The following RBPJ variants were observed in gnomAD, a reference collection of about 807,000 sequenced individuals.
The protein encoded by RBPJ is recombining binding protein suppressor of hairless.
In RBPJ, 9 loss-of-function variants were observed where a neutral mutation model predicts 67.8. The observed-to-expected ratio is 0.13, with a 90% CI of 0.08 to 0.23. The LOEUF (loss-of-function observed/expected upper bound fraction) is 0.23, where lower values mean the gene tolerates loss of function less well. RBPJ is among the 10% of genes least tolerant of loss of function. The pLI is 1.00. For missense variants in RBPJ, 305 were observed against 595.6 expected (o/e 0.51, Z 5.08); for synonymous variants, 198 against 203.3 (o/e 0.97, Z 0.22).
chr4:26,366,627 A>G (rs1728655950), intron 1 of RBPJ, among the ~76,000 whole-genome samples: 1 of 151,880 alleles, frequency 6.6e-6, no homozygotes, highest in African/African-American at 2.4e-5. Flanking sequence ...TCACCGTGTT[A>G]GCCAGGATGG....
At chr4:26,253,558 G>T (rs1009698228) in intron 1 of RBPJ, among the ~76,000 whole-genome samples, 4 of 151,118 alleles carry the variant, frequency 2.6e-5, no homozygotes, top group Non-Finnish European at 5.9e-5. Flanking sequence ...TGATCCGCCC[G>T]CCTCGGCCTC....
At chr4:26,128,409 A>T in the RBPJ span, among the ~76,000 whole-genome samples, 13 of 152,232 alleles carry the variant, frequency 8.5e-5, no homozygotes, top group Admixed American at 8.5e-4. Flanking sequence ...GCAAACATTT[A>T]TTGAGCACTT....
intron 1 of RBPJ, among the ~76,000 whole-genome samples, chr4:26,275,083 G>T (rs752071176): frequency 1.3e-5 from 2 of 152,166 alleles, no homozygotes; most frequent in Non-Finnish European, 2.9e-5. Flanking sequence ...ACTAATATTT[G>T]TAATAGACTA....
rs528914604 is a variant in RBPJ at position 26,214,386 on chromosome 4, GGGGA to G, written c.-167+50785_-167+50788del. Among the ~76,000 whole-genome samples, 92 of 124,750 alleles carry G rather than the reference GGGGA, an allele frequency of 7.4e-4. 1 individual carries two copies. Among genetic ancestry groups the G allele is most frequent in the African/African-American group, 2.1e-3 (68 of 32,004 alleles). The allele number at this position is 124,750 out of a possible 152,430, so 81.8% of individuals were successfully genotyped here. A position where few individuals can be genotyped will look rare whatever the true frequency, so the allele number is the denominator to read the frequency against. On this transcript the variant is annotated intron_variant, in intron 1 of 4. Transcript: ENST00000512351. ...GAAGGAAGGAAGGAGAGAGAAAGAAGGGGAGGGAGGGAGGGAAGAGAGAGAGAAA... is the reference window on the plus strand; with the variant it reads ...GAAGGAAGGAAGGAGAGAGAAAGAAGGGGAGGGAGGGAAGAGAGAGAGAAA...
At chr4:26,403,330 T>C in intron 2 of RBPJ, among the ~76,000 whole-genome samples, 1 of 152,162 alleles carries the variant, frequency 6.6e-6, no homozygotes, top group Non-Finnish European at 1.5e-5. Context: ...TCATAATGAA[T>C]AACCATATAA....
chr4:26,115,946 T>TAAA, the RBPJ span, among the ~76,000 whole-genome samples: 301 of 149,478 alleles, frequency 2.0e-3, 2 homozygotes, highest in Middle Eastern at 6.9e-3. Context: ...GGTGGTATGT[T>TAAA]AAAAAAAAAA....
chr4:26,417,206 A>G (rs1399393168), intron 4 of RBPJ, among the ~76,000 whole-genome samples: 1 of 152,182 alleles, frequency 6.6e-6, no homozygotes, highest in Admixed American at 6.5e-5. Context: ...TAACTGTTTA[A>G]TCCTACTTCA....
At chr4:26,342,338 C>A (rs1037718841) in intron 1 of RBPJ, among the ~76,000 whole-genome samples, 5 of 150,832 alleles carry the variant, frequency 3.3e-5, no homozygotes, top group Non-Finnish European at 5.9e-5. Flanking sequence ...ACCTTGCCAT[C>A]GTTTGGTGAG....
chr4:26,241,209 A>AT (rs1028441349), intron 1 of RBPJ, among the ~76,000 whole-genome samples: 8 of 142,740 alleles, frequency 5.6e-5, no homozygotes, highest in African/African-American at 2.0e-4. Context: ...AAAATAAAAA[A>AT]AAAAAAAAAA....
chr4:26,212,702 C>A (rs143850151), intron 1 of RBPJ, among the ~76,000 whole-genome samples: 3 of 152,060 alleles, frequency 2.0e-5, no homozygotes, highest in Admixed American at 1.3e-4. Context: ...TTGCCCCATA[C>A]GCAGCAGAAA....
intron 1 of RBPJ, among the ~76,000 whole-genome samples, chr4:26,277,843 C>A (rs1037145283): frequency 1.3e-5 from 2 of 152,196 alleles, no homozygotes; most frequent in Non-Finnish European, 2.9e-5. Flanking sequence ...AAATGTATTA[C>A]TCTCTCCCAT....
At position 26,431,099 on chromosome 4, in the gene RBPJ, T is replaced by C; in HGVS notation, c.*92T>C. 19 of 1,238,364 alleles carry C rather than the reference T, an allele frequency of 1.5e-5. No homozygotes were observed. Among genetic ancestry groups the C allele is most frequent in the Non-Finnish European group, 2.1e-5 (19 of 889,398 alleles). The allele number at this position is 1,238,364 out of a possible 1,614,324, so 76.7% of individuals were successfully genotyped here. ...AAATGAACAATCGTTTGTGGTTTCT[T>C]GGGAAAACTTTTCATACCAGGTGAT... is the stretch of plus-strand genomic sequence containing the variant. On this transcript the variant is annotated 3_prime_UTR_variant, in exon 11 of 11. Transcript: ENST00000355476.
chr4:26,169,033 G>A (rs891007254), intron 1 of RBPJ, among the ~76,000 whole-genome samples: 4 of 152,266 alleles, frequency 2.6e-5, no homozygotes, highest in East Asian at 1.9e-4. Context: ...CCTGTAGCTC[G>A]GAGTAGTTTG....
At chr4:26,153,923 C>T in the RBPJ span, among the ~76,000 whole-genome samples, 6 of 151,926 alleles carry the variant, frequency 3.9e-5, no homozygotes, top group East Asian at 5.8e-4. Flanking sequence ...ACTCCAGCCC[C>T]GGTGACAGAG....
At chr4:26,206,406 G>A (rs934064051) in intron 1 of RBPJ, among the ~76,000 whole-genome samples, 12 of 152,188 alleles carry the variant, frequency 7.9e-5, no homozygotes, top group African/African-American at 2.9e-4. Flanking sequence ...CCTCCCAGGA[G>A]CTCACTGTGG....
intron 1 of RBPJ, among the ~76,000 whole-genome samples, chr4:26,200,080 C>G (rs1164354290): frequency 6.6e-6 from 1 of 152,180 alleles, no homozygotes; most frequent in African/African-American, 2.4e-5. Context: ...GGCCTCTCTT[C>G]GCCACCTCAA....
chr4:26,192,156 C>T (rs576179159), intron 1 of RBPJ, among the ~76,000 whole-genome samples: 109 of 152,064 alleles, frequency 7.2e-4, no homozygotes, highest in African/African-American at 2.2e-3. Context: ...CTACAGGCTG[C>T]GCCACCACGC....
At chr4:26,158,350 C>A in the RBPJ span, among the ~76,000 whole-genome samples, 3 of 152,170 alleles carry the variant, frequency 2.0e-5, no homozygotes, top group Non-Finnish European at 2.9e-5. Flanking sequence ...TTCTCAAGGC[C>A]TGGTTATTCT....
At chr4:26,266,248 G>GA (rs927364718) in intron 1 of RBPJ, among the ~76,000 whole-genome samples, 3 of 151,632 alleles carry the variant, frequency 2.0e-5, no homozygotes, top group Non-Finnish European at 2.9e-5. Context: ...GTGTAGGGGA[G>GA]AAAAAAAATA....
Sources: allele counts gnomAD v4.1 joint callset (sites outside exome capture counted in the v4.1 genomes callset), GRCh38; gene constraint gnomAD v4.1.1; transcripts MANE v1.5; gene names NCBI Gene and HGNC (gene_info 2026-07-23, HGNC 2026-07-21).